NME7: variants seen among roughly 807,000 people sequenced by gnomAD.
NME7 encodes the protein NME/NM23 family member 7.
NME7 carries 41 observed loss-of-function variants against 49.1 expected under a neutral mutation model. The ratio of observed to expected loss-of-function variants is 0.83; its 90% confidence interval spans 0.65 to 1.08. The LOEUF (loss-of-function observed/expected upper bound fraction) is 1.08, where lower values mean the gene tolerates loss of function less well. Ranked by LOEUF, NME7 falls within the 50% of genes least tolerant of loss-of-function variation. The pLI, the probability that NME7 is intolerant of heterozygous loss-of-function variation, is 0.00. For synonymous variants in NME7, 139 were observed against 150.6 expected (o/e 0.92, Z 0.56); for missense variants, 423 against 463.4 (o/e 0.91, Z 0.80).
chr1:169,364,530 G>A (rs1653778059), intron 1 of NME7, among the ~76,000 whole-genome samples: 1 of 151,302 alleles, frequency 6.6e-6, no homozygotes, highest in South Asian at 2.1e-4. Flanking sequence ...ACACACATAT[G>A]CCACCGCACC....
intron 7 of NME7, among the ~76,000 whole-genome samples, chr1:169,278,792 G>A (rs1001417618): frequency 1.3e-5 from 2 of 152,240 alleles, no homozygotes; most frequent in East Asian, 1.9e-4. Flanking sequence ...TTTCTGCTGT[G>A]TTTTTTCCCC....
chr1:169,241,237 T>C (rs1488145718), intron 7 of NME7, among the ~76,000 whole-genome samples: 2 of 152,140 alleles, frequency 1.3e-5, no homozygotes, highest in East Asian at 1.9e-4. Context: ...TAACTAAGTA[T>C]GGCTTTTTTT....
At chr1:169,171,790 T>C (rs1008499400) in intron 10 of NME7, among the ~76,000 whole-genome samples, 4 of 150,180 alleles carry the variant, frequency 2.7e-5, no homozygotes, top group African/African-American at 9.7e-5. Context: ...ACAAAAATGG[T>C]TGGTAATTCC....
intron 1 of NME7, among the ~76,000 whole-genome samples, chr1:169,343,435 C>T (rs1050197070): frequency 2.6e-5 from 4 of 151,578 alleles, no homozygotes; most frequent in Non-Finnish European, 5.9e-5. Flanking sequence ...TTTCTAGACT[C>T]TCAATTCTGT....
At chr1:169,350,061 G>A (rs1653096313) in intron 1 of NME7, among the ~76,000 whole-genome samples, 1 of 151,654 alleles carries the variant, frequency 6.6e-6, no homozygotes, top group Non-Finnish European at 1.5e-5. Flanking sequence ...GTGTGGTGGT[G>A]GGTGCCTGTA....
intron 10 of NME7, among the ~76,000 whole-genome samples, chr1:169,210,366 T>C (rs1427022431): frequency 6.6e-6 from 1 of 152,134 alleles, no homozygotes; most frequent in Non-Finnish European, 1.5e-5. Context: ...ATTCCAGAAA[T>C]GTATGTGTCA....
chr1:169,362,435 T>C (rs1379628919), intron 1 of NME7, among the ~76,000 whole-genome samples: 2 of 152,180 alleles, frequency 1.3e-5, no homozygotes, highest in South Asian at 2.1e-4. Context: ...CTTTATAATA[T>C]GTAAAAGAAA....
chr1:169,183,917 T>C (rs947853651), intron 10 of NME7, among the ~76,000 whole-genome samples: 23 of 152,240 alleles, frequency 1.5e-4, no homozygotes, highest in Non-Finnish European at 3.4e-4. Context: ...TGTAAAGTTA[T>C]TGCCTTCTGA....
intron 11 of NME7, among the ~76,000 whole-genome samples, chr1:169,134,052 A>G (rs1658346508): frequency 6.6e-6 from 1 of 151,944 alleles, no homozygotes; most frequent in African/African-American, 2.4e-5. Flanking sequence ...GCTTCTCTTA[A>G]TTTCTCCAGA....
intron 8 of NME7, 84 bp from the exon 9 acceptor site, chr1:169,235,283 T>C (rs1347261239): frequency 1.3e-5 from 8 of 612,020 alleles, no homozygotes; most frequent in Non-Finnish European, 1.7e-5. Flanking sequence ...ACTTAACACT[T>C]GTAATCTCTT....
chr1:169,210,470 G>GAACAT (rs1295246772), intron 10 of NME7, among the ~76,000 whole-genome samples: 7 of 152,112 alleles, frequency 4.6e-5, no homozygotes, highest in Non-Finnish European at 1.0e-4. Context: ...AGATGTGTTG[G>GAACAT]TGCCCCGTGG....
At chr1:169,300,188 T>C (rs1034414690) in intron 5 of NME7, among the ~76,000 whole-genome samples, 2 of 152,166 alleles carry the variant, frequency 1.3e-5, no homozygotes, top group African/African-American at 4.8e-5. Context: ...ATTTACTGCA[T>C]GCAAATCACA....
At chr1:169,242,634 G>T (rs1438380748) in intron 7 of NME7, among the ~76,000 whole-genome samples, 1 of 151,386 alleles carries the variant, frequency 6.6e-6, no homozygotes. Flanking sequence ...AAATATAACT[G>T]TCTCTATTTG....
At chr1:169,255,626 T>G (rs888371289) in intron 7 of NME7, among the ~76,000 whole-genome samples, 1 of 127,244 alleles carries the variant, frequency 7.9e-6, no homozygotes, top group African/African-American at 2.7e-5. Flanking sequence ...CTGGTTATTT[T>G]GCTCGTTAGT....
Position 169,187,176 on chromosome 1 carries a change from C to A in NME7, c.991-17622G>T, listed in dbSNP as rs1200076. ...TTGCTGAGGAGTGTTTTATGTATAA[C>A]TATGTGGTCAATTTTAGAATAAGTG... On this transcript the variant is annotated intron_variant, in intron 10 of 11. Coordinates refer to ENST00000367811, the MANE Select transcript of NME7 (RefSeq NM_013330.5). Among the ~76,000 whole-genome samples the A allele has an allele frequency of 3.3e-5, 5 of 151,882 alleles. No individual in the cohort carries two copies. The East Asian group carries it at 5.8e-4, about 18-fold the overall frequency.
chr1:169,342,485 G>GCATA lies in NME7; in HGVS notation c.4-17986_4-17985insTATG, dbSNP rs371528200. Among the ~76,000 whole-genome samples the GCATA allele has an allele frequency of 3.9e-4, 50 of 128,608 alleles. 2 individuals are homozygous for GCATA. In the East Asian group the frequency reaches 9.1e-3, roughly 23 times the overall value. 84.4% of individuals were successfully genotyped at this position (128,608 alleles called of 152,430 possible). A position where few individuals can be genotyped will look rare whatever the true frequency, so the allele number is the denominator to read the frequency against. ...CAAGTACATATATATACTTGTATTA[G>GCATA]TATATATATATATACAAGTACATAT... On this transcript the variant is annotated intron_variant, in intron 1 of 11. Coordinates refer to ENST00000367811, the MANE Select transcript of NME7 (RefSeq NM_013330.5).
At chr1:169,361,071 G>T (rs1203875069) in intron 1 of NME7, among the ~76,000 whole-genome samples, 3 of 152,020 alleles carry the variant, frequency 2.0e-5, no homozygotes, top group Admixed American at 6.6e-5. Flanking sequence ...GCCACTGTGT[G>T]CTATCTTATT....
intron 10 of NME7, among the ~76,000 whole-genome samples, chr1:169,183,658 C>T (rs12086292): frequency 0.36 from 54,168 of 150,580 alleles, 10,436 homozygotes; most frequent in East Asian, 0.73. Context: ...AAAAATTAGC[C>T]GGGCATGGTG....
chr1:169,287,238 C>T (rs1650310200), intron 7 of NME7, 65 bp downstream of exon 7: 5 of 1,252,982 alleles, frequency 4.0e-6, no homozygotes, highest in East Asian at 2.4e-5. Flanking sequence ...ACATAAAGTA[C>T]ATCAAGAAAA....
Sources: gnomAD v4.1 joint callset for allele counts (sites outside exome capture counted in the v4.1 genomes callset) on GRCh38, gnomAD v4.1.1 for gene constraint, MANE v1.5 for transcripts, NCBI Gene and HGNC (gene_info 2026-07-23, HGNC 2026-07-21) for gene names.